JPH3: variants seen among roughly 807,000 people sequenced by gnomAD.
JPH3 encodes junctophilin-3.
JPH3 carries 11 observed loss-of-function variants against 59.6 expected under a neutral mutation model. The observed-to-expected ratio is 0.18, with a 90% CI of 0.12 to 0.31. JPH3 has a LOEUF of 0.31. Ranked by LOEUF, JPH3 falls within the 10% of genes least tolerant of loss-of-function variation. The probability of loss-of-function intolerance (pLI) is 1.00; values close to 1 mark genes in which losing one functional copy is unlikely to be tolerated. For synonymous variants in JPH3, 673 were observed against 483.6 expected (o/e 1.39, Z -5.14); for missense variants, 1,202 against 1,105.7 (o/e 1.09, Z -1.24).
chr16:87,636,260 T>C (rs2031742789), intron 1 of JPH3, among the ~76,000 whole-genome samples: 1 of 152,232 alleles, frequency 6.6e-6, no homozygotes, highest in Non-Finnish European at 1.5e-5. Flanking sequence ...GGGGGCGTCC[T>C]GCATCTGCGC....
intron 2 of JPH3, among the ~76,000 whole-genome samples, chr16:87,669,888 G>T (rs977719012): frequency 2.4e-4 from 37 of 152,156 alleles, no homozygotes; most frequent in Non-Finnish European, 4.0e-4. Flanking sequence ...GCAGCAGCCG[G>T]CCGGCCTCTC....
chr16:87,619,499 C>T (rs2031094077), intron 1 of JPH3, among the ~76,000 whole-genome samples: 1 of 152,152 alleles, frequency 6.6e-6, no homozygotes, highest in African/African-American at 2.4e-5. Flanking sequence ...CTCTTGGCTC[C>T]AGAGTACCAG....
intron 2 of JPH3, among the ~76,000 whole-genome samples, chr16:87,675,256 C>G (rs918882455): frequency 3.4e-5 from 5 of 147,996 alleles, no homozygotes; most frequent in Non-Finnish European, 7.4e-5. Context: ...CTGGAGCTCT[C>G]TTCCCCTTGC....
chr16:87,641,451 T>C (rs913192866), intron 1 of JPH3, among the ~76,000 whole-genome samples: 1 of 152,158 alleles, frequency 6.6e-6, no homozygotes, highest in African/African-American at 2.4e-5. Flanking sequence ...GACCGACCAG[T>C]GTGGGATCCC....
At chr16:87,666,059 A>G (rs1009611791) in intron 2 of JPH3, among the ~76,000 whole-genome samples, 2 of 151,766 alleles carry the variant, frequency 1.3e-5, no homozygotes, top group Non-Finnish European at 2.9e-5. Context: ...TCATATGTGA[A>G]TATCAGGTAA....
At chr16:87,683,458 C>A (rs138265802) in intron 2 of JPH3, among the ~76,000 whole-genome samples, 1 of 151,970 alleles carries the variant, frequency 6.6e-6, no homozygotes, top group Non-Finnish European at 1.5e-5. Flanking sequence ...GCACGTGCCA[C>A]AACACCCGGC....
intron 1 of JPH3, among the ~76,000 whole-genome samples, chr16:87,608,357 T>G (rs2030605460): frequency 6.6e-6 from 1 of 152,216 alleles, no homozygotes; most frequent in Non-Finnish European, 1.5e-5. Flanking sequence ...CTTTGTGTCC[T>G]TAGATGACAA....
At chr16:87,615,641 C>G (rs2030928103) in intron 1 of JPH3, among the ~76,000 whole-genome samples, 1 of 152,220 alleles carries the variant, frequency 6.6e-6, no homozygotes, top group Non-Finnish European at 1.5e-5. Context: ...GTCTCAAACT[C>G]TGTGCGCATC....
At position 87,611,560 on chromosome 16, in the gene JPH3, C is replaced by G. The variant is rs1052739798; in HGVS notation, c.382+8032C>G. Among the ~76,000 whole-genome samples, 1 of 152,120 alleles carries G rather than the reference C, an allele frequency of 6.6e-6. No homozygotes were observed. Among genetic ancestry groups the G allele is most frequent in the African/African-American group, 2.4e-5 (1 of 41,400 alleles). On this transcript the variant is annotated intron_variant, in intron 1 of 4. Coordinates refer to ENST00000284262, the MANE Select transcript of JPH3 (RefSeq NM_020655.4). The surrounding 1 kb of genome is among the most constrained non-coding windows in gnomAD (Gnocchi z 4.5). ...TGGACCCAGGGAAGGCTCGCTGGTGCAAATGCTTTCCAAAAACACCGAGAG... is the reference window on the plus strand; with the variant it reads ...TGGACCCAGGGAAGGCTCGCTGGTGGAAATGCTTTCCAAAAACACCGAGAG...
intron 1 of JPH3, among the ~76,000 whole-genome samples, chr16:87,625,594 AC>A (rs2031344262): frequency 6.6e-6 from 1 of 152,128 alleles, no homozygotes. Flanking sequence ...GACTGGCCCC[AC>A]CTGTTGCCCT....
At chr16:87,680,164 T>C (rs2033250259) in intron 2 of JPH3, among the ~76,000 whole-genome samples, 1 of 152,234 alleles carries the variant, frequency 6.6e-6, no homozygotes, top group Non-Finnish European at 1.5e-5. Context: ...TTCCCTGTCT[T>C]CAGTAAGGGA....
rs1200505698 is a variant in JPH3, at chr16:87,602,867, C to T, written c.-280C>T. The T allele has an allele frequency of 4.8e-6, 1 of 207,492 alleles. No individual in the cohort carries two copies. The highest frequency in any genetic ancestry group is 2.4e-5 in the African/African-American group (1 of 41,448). 12.9% of individuals were successfully genotyped at this position (207,492 alleles called of 1,614,324 possible). A position where few individuals can be genotyped will look rare whatever the true frequency, so the allele number is the denominator to read the frequency against. ...GCCGCTCCTGCCCCCTCCCTCCCTC[C>T]TCCCCTCCCCCTCCCCTCCGGTCCT... On this transcript the variant is annotated 5_prime_UTR_variant, in exon 1 of 5. Coordinates refer to ENST00000284262, the MANE Select transcript of JPH3 (RefSeq NM_020655.4).
intron 1 of JPH3, among the ~76,000 whole-genome samples, chr16:87,638,083 C>T (rs1176133405): frequency 1.3e-5 from 2 of 152,090 alleles, no homozygotes; most frequent in African/African-American, 4.8e-5. Flanking sequence ...CCATGCCCTG[C>T]TAATTTTTAT....
At chr16:87,605,991 C>T (rs193058355) in intron 1 of JPH3, among the ~76,000 whole-genome samples, 1 of 152,350 alleles carries the variant, frequency 6.6e-6, no homozygotes, top group East Asian at 1.9e-4. Flanking sequence ...GTCTTGAGGA[C>T]TCGGGCCTGG....
chr16:87,657,220 C>G (rs534373660), intron 2 of JPH3, among the ~76,000 whole-genome samples: 1 of 152,276 alleles, frequency 6.6e-6, no homozygotes, highest in East Asian at 1.9e-4. Context: ...GCCAAACTGA[C>G]CAGACCTAAA....
At chr16:87,677,225 C>CACACACACACAAA (rs1271128667) in intron 2 of JPH3, among the ~76,000 whole-genome samples, 10 of 81,726 alleles carry the variant, frequency 1.2e-4, no homozygotes, top group African/African-American at 3.9e-4. Context: ...CACACACACA[C>CACACACACACAAA]AAAAAAAAAA....
At chr16:87,607,638 G>C (rs1021109226) in intron 1 of JPH3, among the ~76,000 whole-genome samples, 1 of 152,214 alleles carries the variant, frequency 6.6e-6, no homozygotes, top group African/African-American at 2.4e-5. Context: ...TTAAACACAC[G>C]TTTATGCTGT....
chr16:87,679,696 GTGT>G (rs2033237448), intron 2 of JPH3, among the ~76,000 whole-genome samples: 1 of 152,228 alleles, frequency 6.6e-6, no homozygotes, highest in South Asian at 2.1e-4. Context: ...TCTGGGCTGG[GTGT>G]TGACCTGCTC....
At chr16:87,682,943 C>G (rs912660842) in intron 2 of JPH3, among the ~76,000 whole-genome samples, 25 of 152,376 alleles carry the variant, frequency 1.6e-4, no homozygotes, top group African/African-American at 5.5e-4. Flanking sequence ...AGTCCCTTGT[C>G]TTACAAAGGG....
Sources: gnomAD v4.1 joint callset for allele counts (sites outside exome capture counted in the v4.1 genomes callset) on GRCh38, gnomAD v4.1.1 for gene constraint, Gnocchi (gnomAD v3.1) non-coding constraint, MANE v1.5 for transcripts, NCBI Gene and HGNC (gene_info 2026-07-23, HGNC 2026-07-21) for gene names.